ZNF385D: variants seen among roughly 807,000 people sequenced by gnomAD.
ZNF385D encodes zinc finger protein 385D.
ZNF385D carries 15 observed loss-of-function variants against 35.8 expected under a neutral mutation model. That is an observed-to-expected ratio of 0.42 (90% confidence interval 0.28 to 0.64). The LOEUF (loss-of-function observed/expected upper bound fraction) is 0.64. Among genes scored for constraint, ZNF385D ranks in the 30% least tolerant of loss-of-function variants. The probability of loss-of-function intolerance (pLI) is 0.23; values close to 1 mark genes in which losing one functional copy is unlikely to be tolerated. For missense variants in ZNF385D, 474 were observed against 494.6 expected (o/e 0.96, Z 0.39); for synonymous variants, 212 against 186.8 (o/e 1.13, Z -1.10).
intron 3 of ZNF385D, among the ~76,000 whole-genome samples, chr3:22,159,554 G>A (rs1034673007): frequency 6.6e-6 from 1 of 152,010 alleles, no homozygotes; most frequent in Non-Finnish European, 1.5e-5. Context: ...AAAAGACAGT[G>A]CCCTTCAATG....
chr3:22,256,126 G>T (rs1358494511), intron 2 of ZNF385D, among the ~76,000 whole-genome samples: 1 of 151,420 alleles, frequency 6.6e-6, no homozygotes, highest in African/African-American at 2.4e-5. Flanking sequence ...AAGTTCTTCA[G>T]TTTTGAAACT....
intron 3 of ZNF385D, among the ~76,000 whole-genome samples, chr3:22,021,506 C>T (rs73137147): frequency 0.012 from 1,805 of 152,104 alleles, 37 homozygotes; most frequent in African/African-American, 0.041. Context: ...CTGACTCCAC[C>T]GCTAACTATA....
chr3:21,438,226 T>A (rs1701672048), intron 4 of ZNF385D, among the ~76,000 whole-genome samples: 1 of 152,194 alleles, frequency 6.6e-6, no homozygotes, highest in Non-Finnish European at 1.5e-5. Context: ...ACCCATATAC[T>A]ACTTTTTTGC....
intron 3 of ZNF385D, among the ~76,000 whole-genome samples, chr3:21,858,924 C>T (rs1696885029): frequency 6.6e-6 from 1 of 152,030 alleles, no homozygotes. Context: ...TCTGTAAATG[C>T]CACATGGTTC....
chr3:21,994,324 A>T (rs775146481), intron 3 of ZNF385D, among the ~76,000 whole-genome samples: 10 of 152,214 alleles, frequency 6.6e-5, no homozygotes, highest in African/African-American at 2.4e-4. Flanking sequence ...TTAATCCTGG[A>T]AAGTTTATCT....
At chr3:21,816,528 C>A in intron 3 of ZNF385D, among the ~76,000 whole-genome samples, 1 of 152,072 alleles carries the variant, frequency 6.6e-6, no homozygotes, top group East Asian at 1.9e-4. Flanking sequence ...CATTCCTATG[C>A]ACCAATAACA....
intron 3 of ZNF385D, among the ~76,000 whole-genome samples, chr3:22,037,363 T>G (rs1408946175): frequency 6.6e-6 from 1 of 151,318 alleles, no homozygotes; most frequent in African/African-American, 2.4e-5. Flanking sequence ...CCACATCCTC[T>G]CCAGCACCTG....
rs78871488 is a variant in ZNF385D at position 22,155,920 on chromosome 3, G to C, written c.325+12897C>G. Among the ~76,000 whole-genome samples, 936 of 152,154 alleles carry C rather than the reference G, an allele frequency of 6.2e-3. 6 individuals are homozygous for C. The highest frequency in any genetic ancestry group is 0.018 in the African/African-American group (747 of 41,546). On this transcript the variant is annotated intron_variant, in intron 3 of 5. Transcript: ENST00000494108. ...AGGAAAGTTAAGAGTATTCAAAATAGTATTCAGATACCCCAGGGTAAAAAT... is the reference window on the plus strand; with the variant it reads ...AGGAAAGTTAAGAGTATTCAAAATACTATTCAGATACCCCAGGGTAAAAAT...
chr3:21,455,227 A>G (rs941193552), intron 4 of ZNF385D, among the ~76,000 whole-genome samples: 2 of 152,242 alleles, frequency 1.3e-5, no homozygotes, highest in African/African-American at 4.8e-5. Flanking sequence ...TAGAATTGGA[A>G]AAAACTATTG....
At chr3:21,562,959 T>A (rs973255814) in intron 3 of ZNF385D, among the ~76,000 whole-genome samples, 1 of 152,200 alleles carries the variant, frequency 6.6e-6, no homozygotes, top group African/African-American at 2.4e-5. Context: ...AAAAAATCCC[T>A]TCACATAAAA....
At chr3:21,468,311 AGAATCACTT>A (rs1211988550) in intron 4 of ZNF385D, among the ~76,000 whole-genome samples, 1 of 149,552 alleles carries the variant, frequency 6.7e-6, no homozygotes, top group Non-Finnish European at 1.5e-5. Context: ...CTGAGGCAGG[AGAATCACTT>A]GAACCTGGGA....
chr3:22,060,892 T>A (rs563237186), intron 3 of ZNF385D, among the ~76,000 whole-genome samples: 115 of 152,188 alleles, frequency 7.6e-4, no homozygotes, highest in African/African-American at 2.6e-3. Context: ...ATTTTGGCTC[T>A]TAAGTAGAAA....
chr3:21,463,230 A>G (rs151279), intron 4 of ZNF385D, among the ~76,000 whole-genome samples: 43,947 of 151,992 alleles, frequency 0.29, 7,102 homozygotes, highest in East Asian at 0.42. Context: ...AAAAAATTCA[A>G]TAGCATGAAA....
intron 1 of ZNF385D, among the ~76,000 whole-genome samples, chr3:21,691,250 A>G (rs2067275722): frequency 1.3e-5 from 2 of 152,142 alleles, no homozygotes; most frequent in Non-Finnish European, 1.5e-5. Context: ...AGAAAATGAC[A>G]TAGCCACGCT....
At chr3:21,554,159 A>G (rs1346598475) in intron 3 of ZNF385D, among the ~76,000 whole-genome samples, 1 of 152,192 alleles carries the variant, frequency 6.6e-6, no homozygotes, top group Non-Finnish European at 1.5e-5. Context: ...TATGGTAGCT[A>G]TAGCCTTAAA....
At chr3:22,301,680 A>G (rs774752300) in intron 2 of ZNF385D, among the ~76,000 whole-genome samples, 5 of 152,058 alleles carry the variant, frequency 3.3e-5, no homozygotes, top group African/African-American at 4.8e-5. Flanking sequence ...TATTACAAAG[A>G]TAGTTGAATC....
At chr3:21,491,330 A>G (rs138812078) in intron 4 of ZNF385D, among the ~76,000 whole-genome samples, 122 of 152,188 alleles carry the variant, frequency 8.0e-4, no homozygotes, top group African/African-American at 2.9e-3. Context: ...GAGGATGATC[A>G]ATAATGGGCA....
At chr3:21,786,587 A>C (rs2071698761) in intron 3 of ZNF385D, among the ~76,000 whole-genome samples, 1 of 152,222 alleles carries the variant, frequency 6.6e-6, no homozygotes, top group Non-Finnish European at 1.5e-5. Flanking sequence ...CTAGGCCATC[A>C]GTAAGAAAAA....
At chr3:22,311,282 G>A (rs953960676) in intron 2 of ZNF385D, among the ~76,000 whole-genome samples, 1 of 151,872 alleles carries the variant, frequency 6.6e-6, no homozygotes, top group Non-Finnish European at 1.5e-5. Context: ...AAATGATACA[G>A]AGTGAAACAC....
Sources: gnomAD v4.1 joint callset for allele counts (sites outside exome capture counted in the v4.1 genomes callset) on GRCh38, gnomAD v4.1.1 for gene constraint, MANE v1.5 for transcripts, NCBI Gene and HGNC (gene_info 2026-07-23, HGNC 2026-07-21) for gene names.